Variants in ASPRV1 observed in about 807,000 individuals in gnomAD.
ASPRV1 encodes retroviral-like aspartic protease 1.
Under a neutral mutation model 11.0 loss-of-function variants are expected in ASPRV1, and 7 were observed. The ratio of observed to expected loss-of-function variants is 0.64; its 90% confidence interval spans 0.36 to 1.20. The LOEUF (loss-of-function observed/expected upper bound fraction) is 1.20, where lower values mean the gene tolerates loss of function less well. ASPRV1 is among the 50% of genes most tolerant of loss of function. ASPRV1 has a pLI of 0.02. For missense variants in ASPRV1, 299 were observed against 320.0 expected (o/e 0.93, Z 0.50); for synonymous variants, 136 against 138.4 (o/e 0.98, Z 0.12).
the ASPRV1 span, among the ~76,000 whole-genome samples, chr2:69,990,754 C>T: frequency 6.6e-6 from 1 of 152,252 alleles, no homozygotes; most frequent in East Asian, 1.9e-4. Context: ...CACACCTGGC[C>T]TCCCTTTTAA....
chr2:69,973,365 G>C, the ASPRV1 span, among the ~76,000 whole-genome samples: 1 of 152,184 alleles, frequency 6.6e-6, no homozygotes, highest in Non-Finnish European at 1.5e-5. Flanking sequence ...CAGAAAGACA[G>C]ATGTTGGAAC....
the ASPRV1 span, chr2:69,975,579 C>G: frequency 6.6e-6 from 1 of 152,262 alleles, no homozygotes; most frequent in Non-Finnish European, 1.5e-5. Context: ...AGGCGAAGTC[C>G]ATGGGTTTCT....
chr2:69,997,058 C>T, the ASPRV1 span, among the ~76,000 whole-genome samples: 343 of 152,220 alleles, frequency 2.3e-3, 1 homozygote, highest in African/African-American at 7.9e-3. Context: ...GTGGGGCTCA[C>T]GCCTATAGTT....
the ASPRV1 span, chr2:70,049,034 T>A: frequency 6.6e-6 from 1 of 152,100 alleles, no homozygotes; most frequent in Non-Finnish European, 1.5e-5. Context: ...TTTCTTTTTT[T>A]TTTTTATTTT....
chr2:69,996,820 G>C, the ASPRV1 span: 33 of 438,984 alleles, frequency 7.5e-5, no homozygotes, highest in Admixed American at 8.6e-4. Flanking sequence ...CTAACCGGAG[G>C]TGCTGTCTGA....
the ASPRV1 span, among the ~76,000 whole-genome samples, chr2:70,028,253 G>A: frequency 6.6e-6 from 1 of 152,202 alleles, no homozygotes; most frequent in Admixed American, 6.5e-5. Context: ...GTGTGATGGG[G>A]TAGGTGTGGA....
At chr2:70,041,989 T>C in the ASPRV1 span, among the ~76,000 whole-genome samples, 2 of 152,230 alleles carry the variant, frequency 1.3e-5, no homozygotes, top group Non-Finnish European at 2.9e-5. Flanking sequence ...TATCTTCATC[T>C]GGAATTACTC....
In ASPRV1 at chr2:69,960,656, C is replaced by A. The variant is rs1425284974; in HGVS notation, c.*1G>T. 6.2e-7 allele frequency: 1 copy of A among 1,606,448 alleles called. No homozygotes were observed. The highest frequency in any genetic ancestry group is 8.5e-7 in the Non-Finnish European group (1 of 1,176,516). ...TAGGAGGTTAAAGAAAAGGTGGCTT[C>A]TCAGTGGGATAGCTCCTGCCGCCCT... On this transcript the variant is annotated 3_prime_UTR_variant, in exon 1 of 1. Coordinates refer to ENST00000320256, the MANE Select transcript of ASPRV1 (RefSeq NM_152792.4).
At chr2:70,040,336 C>T in the ASPRV1 span, among the ~76,000 whole-genome samples, 3 of 152,066 alleles carry the variant, frequency 2.0e-5, no homozygotes, top group Non-Finnish European at 4.4e-5. Flanking sequence ...ATCACACCAC[C>T]GCACTCTAGC....
At chr2:70,039,766 C>G in the ASPRV1 span, among the ~76,000 whole-genome samples, 1 of 152,252 alleles carries the variant, frequency 6.6e-6, no homozygotes, top group Non-Finnish European at 1.5e-5. Flanking sequence ...CTCTCCACGA[C>G]TTCCATTTTA....
At chr2:70,064,505 G>A in the ASPRV1 span, among the ~76,000 whole-genome samples, 1 of 152,180 alleles carries the variant, frequency 6.6e-6, no homozygotes, top group African/African-American at 2.4e-5. Context: ...TGTATACTAA[G>A]CTATAACTTA....
At chr2:69,969,913 G>A in the ASPRV1 span, among the ~76,000 whole-genome samples, 1 of 146,896 alleles carries the variant, frequency 6.8e-6, no homozygotes, top group African/African-American at 2.6e-5. Flanking sequence ...TTTTTTTTTG[G>A]TAAAGACAGG....
chr2:70,003,382 A>G, the ASPRV1 span: 1 of 152,280 alleles, frequency 6.6e-6, no homozygotes, highest in South Asian at 2.1e-4. Flanking sequence ...TTAAGCACGT[A>G]GAACACTGCC....
the ASPRV1 span, among the ~76,000 whole-genome samples, chr2:70,029,268 T>C: frequency 6.6e-6 from 1 of 152,110 alleles, no homozygotes; most frequent in Non-Finnish European, 1.5e-5. Flanking sequence ...GCTAAAGACA[T>C]ATAAGTGACG....
chr2:70,074,133 CAAAAAAAAAAAAAA>C, the ASPRV1 span, among the ~76,000 whole-genome samples: 3 of 7,816 alleles, frequency 3.8e-4, no homozygotes, highest in African/African-American at 1.0e-3. Flanking sequence ...AACTTCATCT[CAAAAAAAAAAAAAA>C]AAAAAAAAAA....
At chr2:70,059,961 G>C in the ASPRV1 span, 1 of 152,194 alleles carries the variant, frequency 6.6e-6, no homozygotes, top group African/African-American at 2.4e-5. Context: ...GGGGACACCT[G>C]TCTTAGAGCC....
At chr2:69,937,262 G>A in the ASPRV1 span, 219 of 1,613,898 alleles carry the variant, frequency 1.4e-4, no homozygotes, top group Non-Finnish European at 1.6e-4. Context: ...CAGAAAAGCC[G>A]TTCACCAAAT....
chr2:70,014,826 A>G, the ASPRV1 span, among the ~76,000 whole-genome samples: 290 of 151,362 alleles, frequency 1.9e-3, 1 homozygote, highest in Non-Finnish European at 5.9e-4. Flanking sequence ...AAAGAAAAAG[A>G]AAAAGAGTGA....
chr2:69,961,865 C>A (rs2104282676), upstream of ASPRV1: 1 of 612,702 alleles, frequency 1.6e-6, no homozygotes, highest in South Asian at 3.0e-5. Flanking sequence ...CCCTCCCTGG[C>A]CTGTGTTCCA....
Sources: allele counts gnomAD v4.1 joint callset (sites outside exome capture counted in the v4.1 genomes callset), GRCh38; gene constraint gnomAD v4.1.1; transcripts MANE v1.5; gene names NCBI Gene and HGNC (gene_info 2026-07-23, HGNC 2026-07-21).